The following PLPP2 variants were observed in gnomAD, a reference collection of about 807,000 sequenced individuals.
The protein encoded by PLPP2 is phospholipid phosphatase 2, also known as PAP2-gamma.
In PLPP2, 29 loss-of-function variants were observed where a neutral mutation model predicts 35.2. That is an observed-to-expected ratio of 0.82 (90% CI 0.61 to 1.12). The LOEUF (loss-of-function observed/expected upper bound fraction) is 1.12, where lower values mean the gene tolerates loss of function less well. PLPP2 is among the 50% of genes most tolerant of loss of function. The pLI is 0.00. For missense variants in PLPP2, 353 were observed against 375.2 expected (o/e 0.94, Z 0.49); for synonymous variants, 162 against 167.0 (o/e 0.97, Z 0.23).
Position 287,566 on chromosome 19 carries a change from G to A in PLPP2, c.390C>T (p.Val130=). 6.2e-7 allele frequency: 1 copy of A among 1,613,834 alleles called. No individual in the cohort carries two copies. Among genetic ancestry groups the A allele is most frequent in the Non-Finnish European group, 8.5e-7 (1 of 1,180,044 alleles). The change falls in exon 3 of 6, where the codon GTC becomes GTT. Residue 130 remains valine (V), a synonymous_variant. Transcript: ENST00000434325. The surrounding 1 kb of genome is among the most constrained non-coding windows in gnomAD (Gnocchi z 4.3). ...TGACCCGGCTCCAGTCGGGGTCGCAGACGGCTAGGAAGTTGGGCCTCAGAC... is the reference window on the plus strand; with the variant it reads ...TGACCCGGCTCCAGTCGGGGTCGCAAACGGCTAGGAAGTTGGGCCTCAGAC... ...IGRLRPNFLA[V]CDPDWSRVNC...
rs1970167695 is a variant in PLPP2, at chr19:281,242, GGC to G, written c.*144_*145del. The G allele has an allele frequency of 1.3e-6, 1 of 745,744 alleles. No individual in the cohort carries two copies. Among genetic ancestry groups the G allele is most frequent in the African/African-American group, 1.8e-5 (1 of 55,438 alleles). 46.2% of individuals were successfully genotyped at this position (745,744 alleles called of 1,614,324 possible). A position where few individuals can be genotyped will look rare whatever the true frequency, so the allele number is the denominator to read the frequency against. On this transcript the variant is annotated 3_prime_UTR_variant, in exon 6 of 6. Transcript: ENST00000434325. Reference sequence around the variant, plus strand: ...ACTCCTGGTCCAGTGCAGGGCAGGGGGCAGCGGAGCCCGCTCACTGCTCCCAT... The same window carrying G: ...ACTCCTGGTCCAGTGCAGGGCAGGGGAGCGGAGCCCGCTCACTGCTCCCAT...
In PLPP2 at chr19:287,713, C is replaced by T; in HGVS notation, c.243G>A (p.Arg81=). Residue 81 remains arginine, a synonymous_variant, in exon 3 of 6, where the codon CGG becomes CGA. Transcript: ENST00000434325. The surrounding 1 kb of genome is among the most constrained non-coding windows in gnomAD (Gnocchi z 4.3). ...AGEAYLVYTD[R]LYSRSDFNNY... ...TGTTGAAGTCCGAGCGAGAATAGAG[C>T]CGGTCTGTGTACACCAGGTAGGCTT... The T allele has an allele frequency of 6.2e-7, 1 of 1,613,866 alleles. No homozygotes were observed. The highest frequency in any genetic ancestry group is 1.1e-5 in the South Asian group (1 of 91,078).
At chr19:281,961 A>G in intron 5 of PLPP2, 173 bp downstream of exon 5, 5 of 545,414 alleles carry the variant, frequency 9.2e-6, no homozygotes. Flanking sequence ...ACTGGGGGGA[A>G]GGATGGGGTA....
At chr19:288,423 C>T in intron 1 of PLPP2, 1 of 364,896 alleles carries the variant, frequency 2.7e-6, no homozygotes, top group Non-Finnish European at 4.9e-6. Flanking sequence ...AAACACCCAC[C>T]TTTGCACAGC....
intron 4 of PLPP2, 145 bp downstream of exon 4, chr19:282,607 G>A (rs368539572): frequency 1.1e-6 from 1 of 938,530 alleles, no homozygotes; most frequent in South Asian, 1.6e-5. Flanking sequence ...GTCAGCCCAG[G>A]GCCTCCCGTT....
At chr19:285,944 C>G (rs1383888516) in intron 3 of PLPP2, 1 of 152,058 alleles carries the variant, frequency 6.6e-6, no homozygotes, top group African/African-American at 2.4e-5. Flanking sequence ...GCACTCCAGC[C>G]TGGGTGACAG....
chr19:282,320 G>A lies in PLPP2; in HGVS notation c.541-10C>T. On this transcript the variant is annotated splice_polypyrimidine_tract_variant and intron_variant, in intron 4 of 5. Transcript: ENST00000434325. ...GTGCCTGCACATACAGCTGGAGTGG[G>A]GAGAGGACGTGTTAGCCTGTGCACC... 6.2e-7 allele frequency: 1 copy of A among 1,612,910 alleles called. No individual in the cohort carries two copies. The highest frequency in any genetic ancestry group is 2.2e-5 in the East Asian group (1 of 44,824).
In PLPP2 at chr19:288,034, C is replaced by T; in HGVS notation, c.190G>A (p.Ala64Thr). The change falls in exon 2 of 6, where the codon GCC becomes ACC. Residue 64 changes from alanine to threonine, a missense_variant. Coordinates refer to ENST00000434325, the MANE Select transcript of PLPP2 (RefSeq NM_003712.4). ...TCCTGCCTTACAAGGATGACGGTGG[C>T]CGTGATGGTGACCCCAGCCATGAGC... ...HGLMAGVTIT[A>T]TVILVSAGEA... 2 of 1,611,958 alleles carry T rather than the reference C, an allele frequency of 1.2e-6. No individual in the cohort carries two copies. The highest frequency in any genetic ancestry group is 1.1e-5 in the South Asian group (1 of 91,022).
chr19:284,677 T>A (rs893271083), intron 3 of PLPP2: 1 of 152,194 alleles, frequency 6.6e-6, no homozygotes, highest in African/African-American at 2.4e-5. Context: ...GAGAACAATG[T>A]CTCACCAAAC....
chr19:288,490 G>C (rs1016123296), intron 1 of PLPP2: 1 of 182,616 alleles, frequency 5.5e-6, no homozygotes, highest in South Asian at 1.5e-4. Flanking sequence ...TAGAGACAGG[G>C]GTCTCATGTT....
At chr19:282,582 C>A (rs748762633) in intron 4 of PLPP2, among the ~76,000 whole-genome samples, 170 bp downstream of exon 4, 1 of 151,846 alleles carries the variant, frequency 6.6e-6, no homozygotes, top group African/African-American at 2.4e-5. Flanking sequence ...GCACTGAGGC[C>A]GGAGGCAAAC....
Position 287,259 on chromosome 19 carries a change from G to A in PLPP2, c.482+215C>T. On this transcript the variant is annotated intron_variant, in intron 3 of 5. Transcript: ENST00000434325. This position sits in a 1 kb window ranked among gnomAD's most constrained non-coding sequence, Gnocchi z 4.3. ...ACAAAGGTAAATGTACTAAACAACAGAACCCCAAAATACTTAAAGCAAAAA... is the reference window on the plus strand; with the variant it reads ...ACAAAGGTAAATGTACTAAACAACAAAACCCCAAAATACTTAAAGCAAAAA... 3 of 582,782 alleles carry A rather than the reference G, an allele frequency of 5.1e-6. No individual in the cohort carries two copies. Among genetic ancestry groups the A allele is most frequent in the South Asian group, 4.7e-5 (2 of 42,772 alleles). The allele number at this position is 582,782 out of a possible 1,614,324, so 36.1% of individuals were successfully genotyped here.
chr19:289,014 C>G (rs1208801202), intron 1 of PLPP2, among the ~76,000 whole-genome samples: 1 of 152,192 alleles, frequency 6.6e-6, no homozygotes, highest in Non-Finnish European at 1.5e-5. Context: ...CACGTGGTGA[C>G]CAGGACAGAC....
At chr19:282,729 A>C in intron 4 of PLPP2, 23 bp downstream of exon 4, 1 of 1,606,456 alleles carries the variant, frequency 6.2e-7, no homozygotes, top group Non-Finnish European at 8.5e-7. Context: ...CCCGAAAAGC[A>C]AGCCCGGGAG....
chr19:291,088 G>A (rs1034072980), intron 1 of PLPP2, 197 bp downstream of exon 1: 4 of 1,333,382 alleles, frequency 3.0e-6, no homozygotes, highest in South Asian at 2.0e-5. Context: ...TGGGACGCGG[G>A]GACCCCCGAG....
chr19:287,878 T>C lies in PLPP2; in HGVS notation c.205-127A>G, dbSNP rs1380110646. The C allele has an allele frequency of 1.3e-5, 20 of 1,509,372 alleles. No homozygotes were observed. The highest frequency in any genetic ancestry group is 1.5e-5 in the Non-Finnish European group (17 of 1,118,428). 93.5% of individuals were successfully genotyped at this position (1,509,372 alleles called of 1,614,324 possible). A position where few individuals can be genotyped will look rare whatever the true frequency, so the allele number is the denominator to read the frequency against. Reference sequence around the variant, plus strand: ...TGAAGGGGGCCCTATTACCCACAGGTACCACTCAGGGCAAGGCTGTGTCCC... The same window carrying C: ...TGAAGGGGGCCCTATTACCCACAGGCACCACTCAGGGCAAGGCTGTGTCCC... On this transcript the variant is annotated intron_variant, in intron 2 of 5. Transcript: ENST00000434325. This position sits in a 1 kb window ranked among gnomAD's most constrained non-coding sequence, Gnocchi z 4.3.
intron 5 of PLPP2, 28 bp from the exon 6 acceptor site, chr19:281,565 G>C (rs751370242): frequency 4.8e-6 from 7 of 1,447,410 alleles, no homozygotes; most frequent in Non-Finnish European, 6.4e-6. Flanking sequence ...GGTGAGAATG[G>C]GCAGGGGGCT....
Position 287,692 on chromosome 19 carries a change from G to C in PLPP2, c.264C>G (p.Phe88Leu). Residue 88 changes from phenylalanine to leucine, a missense_variant, in exon 3 of 6, where the codon TTC (phenylalanine) becomes TTG (leucine). Transcript: ENST00000434325. This position sits in a 1 kb window ranked among gnomAD's most constrained non-coding sequence, Gnocchi z 4.3. ...TGTATACAGCAGCCACGTAGTTGTT[G>C]AAGTCCGAGCGAGAATAGAGCCGGT... ...YTDRLYSRSD[F>L]NNYVAAVYKV... The C allele has an allele frequency of 6.2e-7, 1 of 1,613,958 alleles. No individual in the cohort carries two copies. Among genetic ancestry groups the C allele is most frequent in the Non-Finnish European group, 8.5e-7 (1 of 1,180,026 alleles).
intron 1 of PLPP2, 173 bp downstream of exon 1, chr19:291,112 G>A (rs910387766): frequency 7.4e-6 from 10 of 1,351,624 alleles, no homozygotes; most frequent in Admixed American, 7.1e-5. Context: ...GGGAGGGCGC[G>A]CGCAGTGCGG....
Sources: gnomAD v4.1 joint callset for allele counts (sites outside exome capture counted in the v4.1 genomes callset) on GRCh38, gnomAD v4.1.1 for gene constraint, Gnocchi (gnomAD v3.1) non-coding constraint, MANE v1.5 for transcripts, NCBI Gene and HGNC (gene_info 2026-07-23, HGNC 2026-07-21) for gene names.